Variants in FTO observed in about 807,000 individuals in gnomAD.
The protein encoded by FTO is alpha-ketoglutarate-dependent dioxygenase FTO.
In FTO, 47 loss-of-function variants were observed where a neutral mutation model predicts 63.9. That is an observed-to-expected ratio of 0.74 (90% confidence interval 0.58 to 0.94). The LOEUF (loss-of-function observed/expected upper bound fraction) is 0.94. FTO is among the 40% of genes least tolerant of loss of function. The pLI is 0.00. For synonymous variants in FTO, 207 were observed against 224.4 expected (o/e 0.92, Z 0.69); for missense variants, 562 against 618.1 (o/e 0.91, Z 0.96).
intron 8 of FTO, among the ~76,000 whole-genome samples, chr16:54,014,868 T>C (rs1354009500): frequency 6.8e-6 from 1 of 146,336 alleles, no homozygotes. Flanking sequence ...TTTTTTTTTT[T>C]TTTTTGAGAT....
chr16:53,932,526 A>G (rs904103075), intron 7 of FTO, among the ~76,000 whole-genome samples: 2 of 151,566 alleles, frequency 1.3e-5, no homozygotes, highest in African/African-American at 4.9e-5. Context: ...AGTAGCTGTT[A>G]TTATATGTGC....
At chr16:53,980,777 G>T (rs543350938) in intron 8 of FTO, among the ~76,000 whole-genome samples, 1 of 152,146 alleles carries the variant, frequency 6.6e-6, no homozygotes, top group Non-Finnish European at 1.5e-5. Flanking sequence ...AGAAGCTTCC[G>T]TATTTAAATA....
chr16:53,949,365 G>T (rs532311678), intron 8 of FTO, among the ~76,000 whole-genome samples: 2 of 152,166 alleles, frequency 1.3e-5, no homozygotes, highest in Non-Finnish European at 2.9e-5. Context: ...ATACAAGAGG[G>T]TTTGAGCTTC....
At chr16:53,853,925 T>G (rs1241906185) in intron 4 of FTO, among the ~76,000 whole-genome samples, 4 of 152,214 alleles carry the variant, frequency 2.6e-5, no homozygotes, top group Non-Finnish European at 5.9e-5. Flanking sequence ...TGTAGTAATT[T>G]ACATTTCCAC....
At chr16:53,795,424 A>G (rs1480065409) in intron 1 of FTO, among the ~76,000 whole-genome samples, 1 of 151,970 alleles carries the variant, frequency 6.6e-6, no homozygotes, top group Admixed American at 6.6e-5. Context: ...CTACAGGCAC[A>G]TGACACCAGA....
intron 1 of FTO, among the ~76,000 whole-genome samples, chr16:53,757,304 A>G (rs1167646964): frequency 6.6e-6 from 1 of 152,104 alleles, no homozygotes. Flanking sequence ...ACCATGTTGT[A>G]CAAGAGATCT....
intron 8 of FTO, among the ~76,000 whole-genome samples, chr16:53,943,216 G>GAGAT: frequency 6.6e-6 from 1 of 152,184 alleles, no homozygotes. Flanking sequence ...AATGAGTCTA[G>GAGAT]AGATAGGGTT....
At chr16:53,875,237 CT>C (rs1567386274) in intron 5 of FTO, among the ~76,000 whole-genome samples, 1 of 152,174 alleles carries the variant, frequency 6.6e-6, no homozygotes, top group African/African-American at 2.4e-5. Context: ...GAATCCCTTT[CT>C]TGTGGATCAC....
intron 8 of FTO, among the ~76,000 whole-genome samples, chr16:54,053,561 C>T (rs1376270276): frequency 6.6e-6 from 1 of 152,196 alleles, no homozygotes; most frequent in Admixed American, 6.5e-5. Flanking sequence ...CACTCTGGGG[C>T]TTCTCACATA....
chr16:53,971,037 T>C (rs1298125636), intron 8 of FTO, among the ~76,000 whole-genome samples: 2 of 152,230 alleles, frequency 1.3e-5, no homozygotes, highest in Non-Finnish European at 2.9e-5. Flanking sequence ...ATACATTTTA[T>C]ATACATGTTT....
intron 8 of FTO, among the ~76,000 whole-genome samples, chr16:54,104,746 T>G (rs1412931544): frequency 6.6e-6 from 1 of 152,194 alleles, no homozygotes; most frequent in Non-Finnish European, 1.5e-5. Context: ...AAATTCAACT[T>G]CCAGAAAAAA....
At position 53,857,071 on chromosome 16, in the gene FTO, TA is replaced by T. The variant is rs1490063797; in HGVS notation, c.895+12774del. Among the ~76,000 whole-genome samples, 4 of 123,520 alleles carry T rather than the reference TA, an allele frequency of 3.2e-5. No homozygotes were observed. In the East Asian group the frequency reaches 1.9e-3, roughly 58 times the overall value. The allele number at this position is 123,520 out of a possible 152,430, so 81.0% of individuals were successfully genotyped here. On this transcript the variant is annotated intron_variant, in intron 4 of 8. Transcript: ENST00000471389. ...TTGACTGTTGTTATTGGTATGGAAG[TA>T]TTTTTTTTTTCTCCCAGCTTTTATT...
chr16:53,792,318 C>T lies in FTO; in HGVS notation c.46-17822C>T, dbSNP rs76313123. On this transcript the variant is annotated intron_variant, in intron 1 of 8. Transcript: ENST00000471389. ...AGGGATTTTTGTTGTTGTTGTTAAACTAACATGTCATATCTTGTATAATTC... is the reference window on the plus strand; with the variant it reads ...AGGGATTTTTGTTGTTGTTGTTAAATTAACATGTCATATCTTGTATAATTC... Among the ~76,000 whole-genome samples the T allele has an allele frequency of 5.9e-5, 9 of 152,218 alleles. No homozygotes were observed. In the East Asian group the frequency reaches 1.4e-3, roughly 23 times the overall value.
intron 4 of FTO, among the ~76,000 whole-genome samples, chr16:53,867,529 T>TG (rs1598864565): frequency 5.6e-4 from 74 of 133,100 alleles, no homozygotes; most frequent in African/African-American, 2.1e-3. Flanking sequence ...GTGTGTGTGT[T>TG]TGTGTGTACC....
chr16:53,807,978 G>T (rs2078415613), intron 1 of FTO, among the ~76,000 whole-genome samples: 1 of 152,116 alleles, frequency 6.6e-6, no homozygotes, highest in Admixed American at 6.5e-5. Context: ...ATCTGTAATG[G>T]TGTGTGTTAC....
chr16:53,987,450 G>C (rs2083695673), intron 8 of FTO, among the ~76,000 whole-genome samples: 1 of 151,946 alleles, frequency 6.6e-6, no homozygotes, highest in Non-Finnish European at 1.5e-5. Context: ...GGGCATGGTG[G>C]CATGCGCCTG....
chr16:53,715,813 G>C (rs1224134066), intron 1 of FTO, among the ~76,000 whole-genome samples: 1 of 152,102 alleles, frequency 6.6e-6, no homozygotes, highest in Non-Finnish European at 1.5e-5. Flanking sequence ...CCTCTTGGCA[G>C]TATATTTATT....
chr16:53,926,864 A>T (rs2082152995), intron 7 of FTO, among the ~76,000 whole-genome samples: 1 of 151,804 alleles, frequency 6.6e-6, no homozygotes, highest in African/African-American at 2.4e-5. Context: ...AAAAAAAAAA[A>T]TCATTTTTTG....
chr16:53,874,693 G>T (rs1369089291), intron 5 of FTO, among the ~76,000 whole-genome samples: 2 of 152,200 alleles, frequency 1.3e-5, no homozygotes, highest in Non-Finnish European at 2.9e-5. Context: ...AGTCTATACG[G>T]CAGTGTTGTG....
Sources: gnomAD v4.1 joint callset for allele counts (sites outside exome capture counted in the v4.1 genomes callset) on GRCh38, gnomAD v4.1.1 for gene constraint, MANE v1.5 for transcripts, NCBI Gene and HGNC (gene_info 2026-07-23, HGNC 2026-07-21) for gene names.